Variants in TBC1D22A observed in about 807,000 individuals in gnomAD.
The protein encoded by TBC1D22A is putative GTPase activator.
In TBC1D22A, 38 loss-of-function variants were observed where a neutral mutation model predicts 60.2. The observed-to-expected ratio is 0.63, with a 90% CI of 0.49 to 0.83. The LOEUF (loss-of-function observed/expected upper bound fraction) is 0.83. Ranked by LOEUF, TBC1D22A falls within the 40% of genes least tolerant of loss-of-function variation. The probability of loss-of-function intolerance (pLI) is 0.00; values close to 1 mark genes in which losing one functional copy is unlikely to be tolerated. For missense variants in TBC1D22A, 628 were observed against 701.0 expected, an observed-to-expected ratio of 0.90 and a Z score of 1.18; for synonymous variants, 302 against 281.7, an observed-to-expected ratio of 1.07 and a Z score of -0.72.
rs547810602 is a variant in TBC1D22A at position 46,797,468 on chromosome 22, T to A, written c.485T>A (p.Leu162Gln). 1.2e-6 allele frequency: 2 copies of A among 1,613,254 alleles called. No individual in the cohort carries two copies. Among genetic ancestry groups the A allele is most frequent in the African/African-American group, 2.7e-5 (2 of 75,016 alleles). The change falls in exon 4 of 13, where the codon CTG becomes CAG. Residue 162 changes from leucine (L) to glutamine (Q), a missense_variant. Coordinates refer to ENST00000337137, the MANE Select transcript of TBC1D22A (RefSeq NM_014346.5). ...GAAAGTGCCAGCGATGCCGCCCCTC[T>A]GCAGAGGTCCCAGTCTCTCCCACAC... is the stretch of plus-strand genomic sequence containing the variant. ...PAESASDAAP[L>Q]QRSQSLPHSA...
intron 1 of TBC1D22A, among the ~76,000 whole-genome samples, chr22:46,779,865 G>T (rs951085957): frequency 6.6e-6 from 1 of 152,222 alleles, no homozygotes; most frequent in Non-Finnish European, 1.5e-5. Flanking sequence ...AGTCAGAGTG[G>T]TGTGGGTGTC....
intron 9 of TBC1D22A, among the ~76,000 whole-genome samples, chr22:46,985,800 C>A (rs2074701108): frequency 6.6e-6 from 1 of 152,192 alleles, no homozygotes; most frequent in Non-Finnish European, 1.5e-5. Context: ...CACTGCGTTC[C>A]CCACAGGGTC....
chr22:46,947,840 T>C (rs1043067298), intron 8 of TBC1D22A, among the ~76,000 whole-genome samples: 3 of 152,212 alleles, frequency 2.0e-5, no homozygotes, highest in African/African-American at 7.2e-5. Flanking sequence ...TGCCTGTTCT[T>C]TCTGAGGATT....
At chr22:46,949,004 T>C (rs1427440871) in intron 8 of TBC1D22A, among the ~76,000 whole-genome samples, 1 of 152,190 alleles carries the variant, frequency 6.6e-6, no homozygotes, top group Non-Finnish European at 1.5e-5. Context: ...GCAGAAGCCC[T>C]GTGGGAAGCA....
At chr22:46,793,375 C>T in intron 2 of TBC1D22A, 126 bp from the exon 3 acceptor site, 1 of 901,076 alleles carries the variant, frequency 1.1e-6, no homozygotes, top group Non-Finnish European at 1.7e-6. Context: ...TTTGCTTTTT[C>T]ACTCACTATT....
chr22:46,884,653 C>T (rs1602307183), intron 5 of TBC1D22A, among the ~76,000 whole-genome samples: 1 of 152,178 alleles, frequency 6.6e-6, no homozygotes, highest in Non-Finnish European at 1.5e-5. Context: ...CATTGTGGCC[C>T]AGAGCAGCCA....
chr22:46,830,825 C>T (rs909355445), intron 4 of TBC1D22A, among the ~76,000 whole-genome samples: 3 of 152,180 alleles, frequency 2.0e-5, no homozygotes, highest in Non-Finnish European at 2.9e-5. Flanking sequence ...TCAGGGTCAG[C>T]GTAGGTGGGA....
rs150086343 is a variant in TBC1D22A, at chr22:46,978,695, C to T, written c.1125+4296C>T. On this transcript the variant is annotated intron_variant, in intron 9 of 12. Coordinates refer to ENST00000337137, the MANE Select transcript of TBC1D22A (RefSeq NM_014346.5). ...TGCGATCTCAGTTCACTGCAACCTCCGCCTCCCAGGTTCAAGCGATTCTCC... is the reference window on the plus strand; with the variant it reads ...TGCGATCTCAGTTCACTGCAACCTCTGCCTCCCAGGTTCAAGCGATTCTCC... 2.6e-3 allele frequency among the ~76,000 whole-genome samples: 402 copies of T among 152,242 alleles called. 2 individuals carry two copies. Among genetic ancestry groups the T allele is most frequent in the African/African-American group, 9.0e-3 (375 of 41,528 alleles).
At chr22:46,813,924 G>A (rs1439707784) in intron 4 of TBC1D22A, among the ~76,000 whole-genome samples, 3 of 152,226 alleles carry the variant, frequency 2.0e-5, no homozygotes, top group African/African-American at 7.2e-5. Flanking sequence ...GCGTGGTTTG[G>A]ACATCTGAAT....
intron 4 of TBC1D22A, among the ~76,000 whole-genome samples, chr22:46,807,932 A>C (rs1032431313): frequency 6.6e-6 from 1 of 152,276 alleles, no homozygotes; most frequent in Admixed American, 6.5e-5. Context: ...ATGCCACTGC[A>C]CTCCGGCCTG....
intron 11 of TBC1D22A, among the ~76,000 whole-genome samples, chr22:47,099,763 G>T (rs1438610421): frequency 6.6e-6 from 1 of 152,172 alleles, no homozygotes; most frequent in Non-Finnish European, 1.5e-5. Context: ...GCTTTCTAAA[G>T]TTAGAAGACA....
chr22:47,165,038 C>G (rs2068143188), intron 12 of TBC1D22A, among the ~76,000 whole-genome samples: 2 of 152,150 alleles, frequency 1.3e-5, no homozygotes. Context: ...CTATCCGGTG[C>G]TCACTCCAGC....
At chr22:47,085,257 G>A (rs532415653) in intron 11 of TBC1D22A, among the ~76,000 whole-genome samples, 6 of 152,330 alleles carry the variant, frequency 3.9e-5, no homozygotes, top group Non-Finnish European at 7.3e-5. Flanking sequence ...TTTAGCCTGG[G>A]TGATAGAGCA....
Position 47,148,624 on chromosome 22 carries a change from C to T in TBC1D22A, c.1426-24874C>T, listed in dbSNP as rs184419492. Among the ~76,000 whole-genome samples, 1,181 of 151,152 alleles carry T rather than the reference C, an allele frequency of 7.8e-3. 11 individuals carry two copies. The highest frequency in any genetic ancestry group is 0.017 in the South Asian group (83 of 4,748). On this transcript the variant is annotated intron_variant, in intron 12 of 12. Transcript: ENST00000337137. Reference sequence around the variant, plus strand: ...GGGCCCTTCTCCCAGGATTCCTCTCCTGGGGTCCCTCCCTCCCCTGGGTTC... The same window carrying T: ...GGGCCCTTCTCCCAGGATTCCTCTCTTGGGGTCCCTCCCTCCCCTGGGTTC...
At chr22:47,019,152 G>A (rs189693546) in intron 10 of TBC1D22A, among the ~76,000 whole-genome samples, 4 of 152,338 alleles carry the variant, frequency 2.6e-5, no homozygotes, top group East Asian at 3.9e-4. Flanking sequence ...CGGAGCCTGC[G>A]TTTGTTCACT....
chr22:47,122,967 G>A lies in TBC1D22A; in HGVS notation c.1425+11364G>A, dbSNP rs551366755. Among the ~76,000 whole-genome samples the A allele has an allele frequency of 5.9e-5, 9 of 152,338 alleles. No homozygotes were observed. The East Asian group carries it at 1.7e-3, about 29-fold the overall frequency. ...AAGGTTGCTTTAAAGATCAATGGCA[G>A]CTTTAGAATTATACCTGGAAGGAGG... is the stretch of plus-strand genomic sequence containing the variant. On this transcript the variant is annotated intron_variant, in intron 12 of 12. Transcript: ENST00000337137.
At chr22:46,909,540 C>T (rs1475943) in intron 7 of TBC1D22A, among the ~76,000 whole-genome samples, 57,206 of 152,060 alleles carry the variant, frequency 0.38, 12,974 homozygotes, top group East Asian at 0.64. Flanking sequence ...TCAGGCACCC[C>T]GGGCCTTCTT....
chr22:46,986,161 A>G (rs987519462), intron 9 of TBC1D22A, among the ~76,000 whole-genome samples: 4 of 152,170 alleles, frequency 2.6e-5, no homozygotes, highest in Non-Finnish European at 5.9e-5. Context: ...TTTGTTGAAA[A>G]CAGTTTTGTC....
rs190509033 is a variant in TBC1D22A, at chr22:47,169,711, C to T, written c.1426-3787C>T. ...GTTGAGATGGTGGTGCCCCAGGGAC[C>T]GGGGGAGGGACGGATTGCAGACCTG... On this transcript the variant is annotated intron_variant, in intron 12 of 12. Transcript: ENST00000337137. 3.5e-3 allele frequency among the ~76,000 whole-genome samples: 536 copies of T among 152,252 alleles called. 2 individuals are homozygous for T. Among genetic ancestry groups the T allele is most frequent in the Admixed American group, 7.5e-3 (115 of 15,298 alleles).
Sources: allele counts gnomAD v4.1 joint callset (sites outside exome capture counted in the v4.1 genomes callset), GRCh38; gene constraint gnomAD v4.1.1; transcripts MANE v1.5; gene names NCBI Gene and HGNC (gene_info 2026-07-23, HGNC 2026-07-21).